The following PACRGL variants were observed in gnomAD, a reference collection of about 807,000 sequenced individuals.
PACRGL encodes PACRG-like protein.
Under a neutral mutation model 34.5 loss-of-function variants are expected in PACRGL, and 38 were observed. The ratio of observed to expected loss-of-function variants is 1.10; its 90% CI spans 0.85 to 1.44. PACRGL has a LOEUF of 1.44. PACRGL is among the 40% of genes most tolerant of loss of function. PACRGL has a pLI of 0.00. For synonymous variants in PACRGL, 128 were observed against 100.1 expected (o/e 1.28, Z -1.66); for missense variants, 305 against 281.4 (o/e 1.08, Z -0.60).
At chr4:20,733,588 GC>G (rs1164859702), downstream of PACRGL, among the ~76,000 whole-genome samples, 7 of 152,270 alleles carry the variant, frequency 4.6e-5, no homozygotes, top group Middle Eastern at 3.4e-3. Flanking sequence ...TAGATAAGTA[GC>G]AAGTAGTTTG....
In PACRGL at chr4:20,729,106, G is replaced by GGTTTCTTT. The variant is rs1469099166; in HGVS notation, c.*1766_*1773dup. On this transcript the variant is annotated 3_prime_UTR_variant, in exon 9 of 9. Transcript: ENST00000503585. ...TCTTAGTAGACAGTGGGGTAGTCAA[G>GGTTTCTTT]GTTTCTTTCTTTGTCCCTGAATGGC... 4 of 151,932 alleles carry GGTTTCTTT rather than the reference G, an allele frequency of 2.6e-5. No homozygotes were observed. The East Asian group carries it at 8.0e-4, about 30-fold the overall frequency. The allele number at this position is 151,932 out of a possible 1,614,324, so 9.4% of individuals were successfully genotyped here.
At chr4:20,712,655 T>G in intron 5 of PACRGL, 133 bp from the exon 6 acceptor site, 1 of 877,996 alleles carries the variant, frequency 1.1e-6, no homozygotes, top group Non-Finnish European at 1.6e-6. Context: ...TTGTAACTAC[T>G]GAAATTATAA....
chr4:20,699,180 G>A (rs1388927120), upstream of PACRGL, among the ~76,000 whole-genome samples: 1 of 152,124 alleles, frequency 6.6e-6, no homozygotes, highest in African/African-American at 2.4e-5. Flanking sequence ...AGCTGGAGAT[G>A]AGAGATTATA....
In PACRGL at chr4:20,712,924, T is replaced by G. The variant is rs746180713; in HGVS notation, c.501+2T>G. 1 of 1,547,780 alleles carries G rather than the reference T, an allele frequency of 6.5e-7. No individual in the cohort carries two copies. Among genetic ancestry groups the G allele is most frequent in the Non-Finnish European group, 8.7e-7 (1 of 1,144,158 alleles). On this transcript the variant is annotated splice_donor_variant, in intron 6 of 8. Transcript: ENST00000503585. LOFTEE classifies it high-confidence loss of function. Reference sequence around the variant, plus strand: ...ATTCCTGTGCTAAAGGCAGCTCTGGTATGTCATTTATTTCATTGTACTTTA... The same window carrying G: ...ATTCCTGTGCTAAAGGCAGCTCTGGGATGTCATTTATTTCATTGTACTTTA...
At chr4:20,740,307 G>C (rs572288893) in intron 8 of PACRGL, among the ~76,000 whole-genome samples, 1 of 152,156 alleles carries the variant, frequency 6.6e-6, no homozygotes, top group African/African-American at 2.4e-5. Context: ...TGAAATGAAG[G>C]AAAGAAAGTT....
In PACRGL at chr4:20,707,885, A is replaced by G. The variant is rs769161605; in HGVS notation, c.275+15A>G. On this transcript the variant is annotated intron_variant, in intron 4 of 8. Transcript: ENST00000503585. Reference sequence around the variant, plus strand: ...ATTCCTTGCAGGTAAAATCAATATGATTTATAACTGACCAAATTATTCAAA... The same window carrying G: ...ATTCCTTGCAGGTAAAATCAATATGGTTTATAACTGACCAAATTATTCAAA... The G allele has an allele frequency of 5.7e-6, 9 of 1,582,152 alleles. No homozygotes were observed. The highest frequency in any genetic ancestry group is 1.3e-5 in the African/African-American group (1 of 74,136).
chr4:20,714,552 C>T (rs994204158), intron 7 of PACRGL, among the ~76,000 whole-genome samples: 2 of 152,080 alleles, frequency 1.3e-5, no homozygotes, highest in African/African-American at 4.8e-5. Flanking sequence ...ATGATATTAG[C>T]TGGTTATTTT....
At chr4:20,764,462 T>C in the PACRGL span, among the ~76,000 whole-genome samples, 27 of 152,266 alleles carry the variant, frequency 1.8e-4, no homozygotes, top group Admixed American at 2.0e-4. Flanking sequence ...ATGTAATTAA[T>C]ATTCTATGCA....
At chr4:20,721,240 A>G (rs141945403) in intron 7 of PACRGL, among the ~76,000 whole-genome samples, 13 of 152,010 alleles carry the variant, frequency 8.6e-5, no homozygotes, top group South Asian at 6.2e-4. Flanking sequence ...TCTTTTTTCA[A>G]TGTTTTTAGC....
rs141003893 is a variant in PACRGL at position 20,716,288 on chromosome 4, A to G, written c.609+2749A>G. Reference sequence around the variant, plus strand: ...GGGCAGGGTCCATGAGAGACCAGTCATGGAGTTTTCAGTTTTCTTCTCCTA... The same window carrying G: ...GGGCAGGGTCCATGAGAGACCAGTCGTGGAGTTTTCAGTTTTCTTCTCCTA... On this transcript the variant is annotated intron_variant, in intron 7 of 8. Transcript: ENST00000503585. 7 of 610,018 alleles carry G rather than the reference A, an allele frequency of 1.1e-5. No homozygotes were observed. The East Asian group carries it at 1.7e-4, about 15-fold the overall frequency. 37.8% of individuals were successfully genotyped at this position (610,018 alleles called of 1,614,324 possible). A position where few individuals can be genotyped will look rare whatever the true frequency, so the allele number is the denominator to read the frequency against.
At chr4:20,749,113 G>T (rs1229303643) in intron 8 of PACRGL, among the ~76,000 whole-genome samples, 8 of 148,962 alleles carry the variant, frequency 5.4e-5, no homozygotes, top group Admixed American at 2.7e-4. Flanking sequence ...AGCTGAGATT[G>T]TGCCACTGCA....
At chr4:20,701,839 T>C (rs184895601) in intron 1 of PACRGL, 127 of 456,644 alleles carry the variant, frequency 2.8e-4, no homozygotes, top group African/African-American at 2.4e-3. Flanking sequence ...AATCTATAGA[T>C]GTGGAACCCG....
downstream of PACRGL, among the ~76,000 whole-genome samples, chr4:20,737,215 G>A (rs1373206557): frequency 1.3e-5 from 2 of 152,176 alleles, no homozygotes; most frequent in Admixed American, 6.5e-5. Context: ...AGGAGAAGCT[G>A]GCAAAGCATC....
At chr4:20,722,788 C>G (rs1743963654) in intron 7 of PACRGL, among the ~76,000 whole-genome samples, 2 of 152,166 alleles carry the variant, frequency 1.3e-5, no homozygotes, top group East Asian at 3.9e-4. Context: ...CATTCAAGAG[C>G]TAGGGGCAAG....
the PACRGL span, among the ~76,000 whole-genome samples, chr4:20,759,397 A>G: frequency 6.6e-6 from 1 of 152,190 alleles, no homozygotes; most frequent in Non-Finnish European, 1.5e-5. Flanking sequence ...GGCATACCCA[A>G]GACATGGTTT....
In PACRGL at chr4:20,700,703, G is replaced by A. The variant is rs1444208206; in HGVS notation, c.-101G>A. The A allele has an allele frequency of 6.6e-6, 1 of 152,214 alleles. No homozygotes were observed. The highest frequency in any genetic ancestry group is 1.5e-5 in the Non-Finnish European group (1 of 68,076). 9.4% of individuals were successfully genotyped at this position (152,214 alleles called of 1,614,324 possible). ...GGACCCCGTTGCTAAGGACCCTTGAGATCGTGAGCGCTTGGAGTGTACCCC... is the reference window on the plus strand; with the variant it reads ...GGACCCCGTTGCTAAGGACCCTTGAAATCGTGAGCGCTTGGAGTGTACCCC... On this transcript the variant is annotated 5_prime_UTR_variant, in exon 1 of 9. Coordinates refer to ENST00000503585, the MANE Select transcript of PACRGL (RefSeq NM_001258345.3).
chr4:20,728,221 C>T lies in PACRGL; in HGVS notation c.*880C>T, dbSNP rs1746573731. ...TCTATTACAAGTATGTTGTTTATTA[C>T]AACTCATTACAACTACCTAAATTTT... On this transcript the variant is annotated 3_prime_UTR_variant, in exon 9 of 9. Transcript: ENST00000503585. The T allele has an allele frequency of 6.6e-6, 1 of 151,852 alleles. No individual in the cohort carries two copies. Among genetic ancestry groups the T allele is most frequent in the Non-Finnish European group, 1.5e-5 (1 of 68,020 alleles). 9.4% of individuals were successfully genotyped at this position (151,852 alleles called of 1,614,324 possible). A position where few individuals can be genotyped will look rare whatever the true frequency, so the allele number is the denominator to read the frequency against.
At chr4:20,738,929 C>T (rs1750366227) in intron 8 of PACRGL, among the ~76,000 whole-genome samples, 1 of 152,180 alleles carries the variant, frequency 6.6e-6, no homozygotes, top group African/African-American at 2.4e-5. Context: ...AACGGCACAC[C>T]AGGAGATTAT....
downstream of PACRGL, among the ~76,000 whole-genome samples, chr4:20,753,379 C>T (rs1480385366): frequency 2.0e-5 from 3 of 152,130 alleles, no homozygotes; most frequent in African/African-American, 7.2e-5. Context: ...AAGTAAACTA[C>T]TCGAGGTTAC....
Sources: gnomAD v4.1 joint callset for allele counts (sites outside exome capture counted in the v4.1 genomes callset) on GRCh38, gnomAD v4.1.1 for gene constraint, MANE v1.5 for transcripts, NCBI Gene and HGNC (gene_info 2026-07-23, HGNC 2026-07-21) for gene names.